The following RNF217 variants were observed in gnomAD, a reference collection of about 807,000 sequenced individuals.
RNF217 encodes E3 ubiquitin-protein ligase RNF217.
Under a neutral mutation model 57.8 loss-of-function variants are expected in RNF217, and 31 were observed. The observed-to-expected ratio is 0.54, with a 90% confidence interval of 0.40 to 0.72. The LOEUF (loss-of-function observed/expected upper bound fraction) is 0.72. Ranked by LOEUF, RNF217 falls within the 30% of genes least tolerant of loss-of-function variation. RNF217 has a pLI of 0.00. For synonymous variants in RNF217, 313 were observed against 294.0 expected, an observed-to-expected ratio of 1.06 and a Z score of -0.66; for missense variants, 696 against 708.3, an observed-to-expected ratio of 0.98 and a Z score of 0.20.
At chr6:125,036,676 GA>G (rs776745482) in intron 1 of RNF217, among the ~76,000 whole-genome samples, 42 of 151,200 alleles carry the variant, frequency 2.8e-4, no homozygotes, top group African/African-American at 9.7e-4. Context: ...ATATTTACAA[GA>G]AAAAAAACAT....
chr6:125,043,057 GGCTTCAT>G (rs1200513550), intron 1 of RNF217, among the ~76,000 whole-genome samples: 1 of 151,962 alleles, frequency 6.6e-6, no homozygotes, highest in African/African-American at 2.4e-5. Flanking sequence ...CTCCTAAGAT[GGCTTCAT>G]GCTCTGCCCT....
At chr6:125,064,105 A>G (rs1261261960) in intron 3 of RNF217, among the ~76,000 whole-genome samples, 3 of 152,196 alleles carry the variant, frequency 2.0e-5, no homozygotes, top group African/African-American at 7.2e-5. Context: ...GTATCCTGCA[A>G]TTCCTTAGTA....
At position 124,962,687 on chromosome 6, in the gene RNF217, C is replaced by G; in HGVS notation, c.143C>G (p.Ala48Gly). 7.3e-7 allele frequency: 1 copy of G among 1,368,594 alleles called. No homozygotes were observed. The highest frequency in any genetic ancestry group is 9.3e-7 in the Non-Finnish European group (1 of 1,073,168). 84.8% of individuals were successfully genotyped at this position (1,368,594 alleles called of 1,614,324 possible). Residue 48 changes from alanine (A) to glycine (G), a missense_variant, in exon 1 of 6, where the codon GCG becomes GGG. Coordinates refer to ENST00000521654, the MANE Select transcript of RNF217 (RefSeq NM_001286398.3). The surrounding 1 kb of genome is among the most constrained non-coding windows in gnomAD (Gnocchi z 4.6). ...GCGCCCCCGCTGCGCGCCGCCTCCG[C>G]GGAGCCGAGCGGCGGTGGCTGCGGA... ...ARAPPLRAAS[A>G]EPSGGGCGSD... is the part of the protein sequence containing the mutation.
rs550799253 is a variant in RNF217 at position 125,049,846 on chromosome 6, G to A, written c.1116+4402G>A. On this transcript the variant is annotated intron_variant, in intron 2 of 5. Transcript: ENST00000521654. ...GGAGGGGTAAAATTGACTATGTCTG[G>A]AAGAGGAGGAGCAGGTTTGGGAAAT... Among the ~76,000 whole-genome samples the A allele has an allele frequency of 5.3e-5, 8 of 151,904 alleles. No homozygotes were observed. The East Asian group carries it at 1.6e-3, about 29-fold the overall frequency.
chr6:125,012,511 A>G (rs1179226279), intron 1 of RNF217, among the ~76,000 whole-genome samples: 2 of 152,140 alleles, frequency 1.3e-5, no homozygotes, highest in East Asian at 3.8e-4. Flanking sequence ...ATATATTTGC[A>G]TGATTATAAT....
intron 1 of RNF217, among the ~76,000 whole-genome samples, chr6:125,026,786 G>A (rs1196974253): frequency 6.6e-6 from 1 of 151,928 alleles, no homozygotes; most frequent in Non-Finnish European, 1.5e-5. Context: ...AAGACAAGTG[G>A]GGTGTGAAAT....
At chr6:125,026,993 TTA>T (rs1786119058) in intron 1 of RNF217, among the ~76,000 whole-genome samples, 1 of 152,058 alleles carries the variant, frequency 6.6e-6, no homozygotes, top group South Asian at 2.1e-4. Context: ...CCATTCTTTT[TTA>T]AATTTTTTAA....
chr6:125,035,774 T>C (rs1394191268), intron 1 of RNF217, among the ~76,000 whole-genome samples: 3 of 152,142 alleles, frequency 2.0e-5, no homozygotes, highest in African/African-American at 4.8e-5. Flanking sequence ...AGCTTTTTCA[T>C]TCGCCTTTTA....
chr6:125,075,763 A>G (rs1788340214), intron 3 of RNF217, among the ~76,000 whole-genome samples: 1 of 152,208 alleles, frequency 6.6e-6, no homozygotes, highest in African/African-American at 2.4e-5. Context: ...GCAACAAAGT[A>G]CGCACAGATA....
intron 1 of RNF217, among the ~76,000 whole-genome samples, chr6:125,016,284 A>G (rs1474909240): frequency 6.6e-6 from 1 of 152,230 alleles, no homozygotes; most frequent in African/African-American, 2.4e-5. Flanking sequence ...GACAAAATTT[A>G]GAGCACTCGA....
chr6:125,011,361 C>T (rs914607897), intron 1 of RNF217, among the ~76,000 whole-genome samples: 5 of 152,052 alleles, frequency 3.3e-5, no homozygotes, highest in Admixed American at 1.3e-4. Context: ...ACAAATTTGG[C>T]ATTATCATAT....
chr6:125,079,381 G>A (rs1043483766), intron 4 of RNF217, among the ~76,000 whole-genome samples: 1 of 150,376 alleles, frequency 6.6e-6, no homozygotes, highest in African/African-American at 2.5e-5. Flanking sequence ...TTTCTAGATG[G>A]CAAATAATTT....
At chr6:125,061,628 C>T (rs991214696) in intron 3 of RNF217, among the ~76,000 whole-genome samples, 3 of 149,492 alleles carry the variant, frequency 2.0e-5, no homozygotes, top group Non-Finnish European at 4.5e-5. Flanking sequence ...GGTAGGTTTT[C>T]GTTTTTTTTT....
At chr6:124,963,837 T>C (rs1360291346) in intron 1 of RNF217, among the ~76,000 whole-genome samples, 1 of 152,252 alleles carries the variant, frequency 6.6e-6, no homozygotes, top group African/African-American at 2.4e-5. Flanking sequence ...GGAATAAATA[T>C]TTCAGACCCA....
intron 1 of RNF217, among the ~76,000 whole-genome samples, chr6:125,042,261 G>A (rs913792382): frequency 6.6e-6 from 1 of 152,060 alleles, no homozygotes; most frequent in Non-Finnish European, 1.5e-5. Context: ...TTACTGGCTT[G>A]TCAACAATGA....
In RNF217 at chr6:124,962,875, G is replaced by A. The variant is rs916885299; in HGVS notation, c.331G>A (p.Glu111Lys). ...LPLQLELEEE[E>K]EEAGDRKEGG... The stretch of plus-strand genomic sequence containing the variant: ...ACTGCAGTTGGAGCTGGAGGAGGAA[G>A]AGGAGGAAGCTGGGGATCGAAAAGA... Residue 111 changes from glutamate (E) to lysine (K), a missense_variant, in exon 1 of 6, where the codon GAG becomes AAG. By Grantham distance (56) the Glu-to-Lys change is moderately conservative (BLOSUM62 1). This residue lies in a region of RNF217 where 465 missense variants were observed against 386.8 expected (regional missense o/e 1.20). Coordinates refer to ENST00000521654, the MANE Select transcript of RNF217 (RefSeq NM_001286398.3). This position sits in a 1 kb window ranked among gnomAD's most constrained non-coding sequence, Gnocchi z 4.6. 6 of 1,597,998 alleles carry A rather than the reference G, an allele frequency of 3.8e-6. No homozygotes were observed. The highest frequency in any genetic ancestry group is 5.1e-6 in the Non-Finnish European group (6 of 1,179,690).
At chr6:124,972,085 C>T (rs935308544) in intron 1 of RNF217, among the ~76,000 whole-genome samples, 5 of 152,136 alleles carry the variant, frequency 3.3e-5, no homozygotes, top group African/African-American at 1.2e-4. Context: ...AAAACTAAAT[C>T]CCCCTTTCCT....
intron 3 of RNF217, among the ~76,000 whole-genome samples, chr6:125,062,086 T>C (rs1389018733): frequency 1.3e-5 from 2 of 152,088 alleles, no homozygotes; most frequent in African/African-American, 4.8e-5. Flanking sequence ...TTGCTGCTGA[T>C]TTTTAAAGAA....
chr6:125,059,118 C>T (rs1355388323), intron 3 of RNF217, among the ~76,000 whole-genome samples: 1 of 152,070 alleles, frequency 6.6e-6, no homozygotes, highest in Non-Finnish European at 1.5e-5. Flanking sequence ...ACCAAATTCA[C>T]ATACTGGTTT....
Sources: allele counts gnomAD v4.1 joint callset (sites outside exome capture counted in the v4.1 genomes callset), GRCh38; gene constraint gnomAD v4.1.1; regional missense constraint gnomAD v4.1.1; non-coding constraint Gnocchi (gnomAD v3.1); transcripts MANE v1.5; gene names NCBI Gene and HGNC (gene_info 2026-07-23, HGNC 2026-07-21).